The following CD93 variants were observed in gnomAD, a reference collection of about 807,000 sequenced individuals.
The protein encoded by CD93 is CD93 molecule, also known as complement component C1q receptor.
In CD93, 44 loss-of-function variants were observed where a neutral mutation model predicts 45.5. The ratio of observed to expected loss-of-function variants is 0.97; its 90% CI spans 0.76 to 1.24. The LOEUF is 1.24. CD93 is among the 50% of genes most tolerant of loss of function. The pLI is 0.00. For missense variants in CD93, 918 were observed against 844.5 expected (o/e 1.09, Z -1.08); for synonymous variants, 431 against 370.8 (o/e 1.16, Z -1.87).
chr20:23,081,443 A>G lies in CD93; in HGVS notation c.*2507T>C, dbSNP rs1276595554. 2 of 152,288 alleles carry G rather than the reference A, an allele frequency of 1.3e-5. No homozygotes were observed. The highest frequency in any genetic ancestry group is 1.5e-5 in the Non-Finnish European group (1 of 68,106). The allele number at this position is 152,288 out of a possible 1,614,324, so 9.4% of individuals were successfully genotyped here. On this transcript the variant is annotated 3_prime_UTR_variant, in exon 2 of 2. Coordinates refer to ENST00000246006, the MANE Select transcript of CD93 (RefSeq NM_012072.4). Reference sequence around the variant, plus strand: ...CCCAAACAAGAATTTCCATGCTTCAAAGTAACAGCAAAAATAAACAGGAGA... The same window carrying G: ...CCCAAACAAGAATTTCCATGCTTCAGAGTAACAGCAAAAATAAACAGGAGA...
In CD93 at chr20:23,085,102, C is replaced by G; in HGVS notation, c.1091G>C (p.Gly364Ala). ...CAQECVNTPGGFRCECWVGYE... is the reference protein window; with the variant it reads ...CAQECVNTPGAFRCECWVGYE... ...GCCAACCCAGCATTCGCAGCGGAAG[C>G]CCCCAGGGGTGTTGACACACTCCTG... Residue 364 changes from glycine to alanine, a missense_variant, in exon 1 of 2, where the codon GGC becomes GCC. By Grantham distance (60) the Gly-to-Ala change is moderately conservative. Transcript: ENST00000246006. 1.2e-6 allele frequency: 2 copies of G among 1,602,326 alleles called. No individual in the cohort carries two copies. Among genetic ancestry groups the G allele is most frequent in the South Asian group, 1.1e-5 (1 of 89,284 alleles).
rs140684866 is a variant in CD93 at position 23,080,296 on chromosome 20, T to C, written c.*3654A>G. The C allele has an allele frequency of 1.2e-3, 177 of 152,696 alleles. No individual in the cohort carries two copies. The highest frequency in any genetic ancestry group is 1.9e-3 in the Non-Finnish European group (127 of 68,028). The allele number at this position is 152,696 out of a possible 1,614,324, so 9.5% of individuals were successfully genotyped here. ...TCTGTTCTCCTAGTTTTCACAGAAA[T>C]ATTTACAGGAATAAAGGTTGAAACA... On this transcript the variant is annotated 3_prime_UTR_variant, in exon 2 of 2. Coordinates refer to ENST00000246006, the MANE Select transcript of CD93 (RefSeq NM_012072.4).
rs1464050711 is a variant in CD93 at position 23,085,209 on chromosome 20, G to A, written c.984C>T (p.Cys328=). The change falls in exon 1 of 2, where the codon TGC becomes TGT. Residue 328 remains cysteine, a synonymous_variant. Coordinates refer to ENST00000246006, the MANE Select transcript of CD93 (RefSeq NM_012072.4). The part of the protein sequence containing the change: ...VLGPHGKNYT[C]RCPQGYQLDS... The stretch of plus-strand genomic sequence containing the variant: ...CCAGCTGGTACCCTTGGGGGCAGCG[G>A]CACGTGTAGTTTTTCCCATGGGGTC... The A allele has an allele frequency of 9.4e-6, 15 of 1,599,838 alleles. No individual in the cohort carries two copies. In the South Asian group the frequency reaches 1.4e-4, roughly 14 times the overall value.
In CD93 at chr20:23,085,831, T is replaced by TGGGGCCCCCCCCC; in HGVS notation, c.361_362insGGGGGGGGGCCCC (p.Glu121GlyfsTer11). 2 of 1,491,266 alleles carry TGGGGCCCCCCCCC rather than the reference T, an allele frequency of 1.3e-6. No individual in the cohort carries two copies. The highest frequency in any genetic ancestry group is 1.8e-6 in the Non-Finnish European group (2 of 1,097,876). The allele number at this position is 1,491,266 out of a possible 1,614,324, so 92.4% of individuals were successfully genotyped here. ...GTGCCAGTTAGAGTAAGGCGTGTCC[T>TGGGGCCCCCCCCC]CCCCCCCGCCCACCCAGCTGAAGCC... On this transcript the variant is annotated frameshift_variant, in exon 1 of 2. Coordinates refer to ENST00000246006, the MANE Select transcript of CD93 (RefSeq NM_012072.4). LOFTEE classifies it high-confidence loss of function.
rs372548078 is a variant in CD93, at chr20:23,086,139, G to A, written c.54C>T (p.Pro18=). Residue 18 remains proline, a synonymous_variant, in exon 1 of 2, where the codon CCC becomes CCT. Transcript: ENST00000246006. The part of the protein sequence containing the change: ...LLLLLLLLTQ[P]GAGTGADTEA... ...CCGTGTCAGCTCCCGTCCCCGCCCC[G>A]GGCTGGGTCAGGAGCAGCAGCAGCA... 5 of 1,579,050 alleles carry A rather than the reference G, an allele frequency of 3.2e-6. No individual in the cohort carries two copies. The highest frequency in any genetic ancestry group is 1.8e-5 in the Admixed American group (1 of 56,906).
In CD93 at chr20:23,085,352, C is replaced by A; in HGVS notation, c.841G>T (p.Gly281Cys). Residue 281 changes from glycine to cysteine, a missense_variant, in exon 1 of 2, where the codon GGC becomes TGC. Coordinates refer to ENST00000246006, the MANE Select transcript of CD93 (RefSeq NM_012072.4). The stretch of plus-strand genomic sequence containing the variant: ...GGTCGGCAGCCGCAGAGGAAGGAGC[C>A]ATCCCCCCCTTCAAAGCAGTCCTGG... ...CHQDCFEGGD[G>C]SFLCGCRPGF... 6.2e-7 allele frequency: 1 copy of A among 1,614,030 alleles called. No homozygotes were observed. Among genetic ancestry groups the A allele is most frequent in the Non-Finnish European group, 8.5e-7 (1 of 1,180,016 alleles).
rs952485878 is a variant in CD93, at chr20:23,082,295, A to G, written c.*1655T>C. ...CACCTTGTGGCCCTTCAACCACTCC[A>G]GAGTGTCACCTCAGAGACCGATGCA... On this transcript the variant is annotated 3_prime_UTR_variant, in exon 2 of 2. Transcript: ENST00000246006. 2 of 152,228 alleles carry G rather than the reference A, an allele frequency of 1.3e-5. No individual in the cohort carries two copies. The highest frequency in any genetic ancestry group is 2.9e-5 in the Non-Finnish European group (2 of 68,060). 9.4% of individuals were successfully genotyped at this position (152,228 alleles called of 1,614,324 possible).
rs1568675300 is a variant in CD93, at chr20:23,080,390, G to T, written c.*3560C>A. ...GGATAAGACACTCAAACAAGGGCTT[G>T]TGATGAGGATGGAAAAGACAAAGCA... On this transcript the variant is annotated 3_prime_UTR_variant, in exon 2 of 2. Transcript: ENST00000246006. 6.6e-6 allele frequency: 1 copy of T among 152,548 alleles called. No individual in the cohort carries two copies. The allele number at this position is 152,548 out of a possible 1,614,324, so 9.4% of individuals were successfully genotyped here.
chr20:23,085,831 T>TGGCCCCCCCCCC lies in CD93; in HGVS notation c.361_362insGGGGGGGGGGCC (p.Glu121delinsGlyGlyGlyGlyGln). The TGGCCCCCCCCCC allele has an allele frequency of 2.0e-6, 3 of 1,491,282 alleles. No homozygotes were observed. Among genetic ancestry groups the TGGCCCCCCCCCC allele is most frequent in the Non-Finnish European group, 2.7e-6 (3 of 1,097,892 alleles). 92.4% of individuals were successfully genotyped at this position (1,491,282 alleles called of 1,614,324 possible). ...GTGCCAGTTAGAGTAAGGCGTGTCC[T>TGGCCCCCCCCCC]CCCCCCCGCCCACCCAGCTGAAGCC... On this transcript the variant is annotated protein_altering_variant, in exon 1 of 2. Transcript: ENST00000246006.
chr20:23,081,819 G>A lies in CD93; in HGVS notation c.*2131C>T, dbSNP rs1985330531. The stretch of plus-strand genomic sequence containing the variant: ...TACACAGACTGCGTTGGGGCTGTGG[G>A]AAGCCAAGGACAGAAATGTCTCCTT... On this transcript the variant is annotated 3_prime_UTR_variant, in exon 2 of 2. Transcript: ENST00000246006. The A allele has an allele frequency of 6.6e-6, 1 of 152,244 alleles. No homozygotes were observed. Among genetic ancestry groups the A allele is most frequent in the Non-Finnish European group, 1.5e-5 (1 of 68,048 alleles). The allele number at this position is 152,244 out of a possible 1,614,324, so 9.4% of individuals were successfully genotyped here.
Position 23,084,247 on chromosome 20 carries a change from G to GA in CD93, c.1934+11_1934+12insT. 1 of 1,611,880 alleles carries GA rather than the reference G, an allele frequency of 6.2e-7. No homozygotes were observed. The highest frequency in any genetic ancestry group is 8.5e-7 in the Non-Finnish European group (1 of 1,179,198). On this transcript the variant is annotated intron_variant, in intron 1 of 1. Transcript: ENST00000246006. ...CCCATCCCCTCCCCCGGTCACTCAG[G>GA]GCCCCCTTTACCTGTACTGGTTCTC...
rs1266113322 is a variant in CD93, at chr20:23,083,168, G to C, written c.*782C>G. 1 of 152,274 alleles carries C rather than the reference G, an allele frequency of 6.6e-6. No homozygotes were observed. Among genetic ancestry groups the C allele is most frequent in the African/African-American group, 2.4e-5 (1 of 41,468 alleles). The allele number at this position is 152,274 out of a possible 1,614,324, so 9.4% of individuals were successfully genotyped here. On this transcript the variant is annotated 3_prime_UTR_variant, in exon 2 of 2. Transcript: ENST00000246006. ...AGTACATTTGGATGAATTAATTCAA[G>C]TATCTGTGAACAAATCCCTGGCCTC...
rs771246465 is a variant in CD93 at position 23,080,408 on chromosome 20, A to G, written c.*3542T>C. 6.6e-6 allele frequency: 1 copy of G among 152,542 alleles called. No homozygotes were observed. The highest frequency in any genetic ancestry group is 2.1e-4 in the South Asian group (1 of 4,834). 9.4% of individuals were successfully genotyped at this position (152,542 alleles called of 1,614,324 possible). On this transcript the variant is annotated 3_prime_UTR_variant, in exon 2 of 2. Transcript: ENST00000246006. Reference sequence around the variant, plus strand: ...AGGGCTTGTGATGAGGATGGAAAAGACAAAGCAACTTGAAGAGAAAAAAAA... The same window carrying G: ...AGGGCTTGTGATGAGGATGGAAAAGGCAAAGCAACTTGAAGAGAAAAAAAA...
rs748556553 is a variant in CD93, at chr20:23,086,115, C to G, written c.78G>C (p.Thr26=). 116 of 1,590,120 alleles carry G rather than the reference C, an allele frequency of 7.3e-5. No homozygotes were observed. Among genetic ancestry groups the G allele is most frequent in the African/African-American group, 4.0e-5 (3 of 74,744 alleles). ...CGGTCCCCACGCAGACCACCGCCTC[C>G]GTGTCAGCTCCCGTCCCCGCCCCGG... ...TQPGAGTGAD[T]EAVVCVGTAC... The change falls in exon 1 of 2, where the codon ACG becomes ACC. Residue 26 remains threonine, a synonymous_variant. Coordinates refer to ENST00000246006, the MANE Select transcript of CD93 (RefSeq NM_012072.4).
chr20:23,085,627 C>G lies in CD93; in HGVS notation c.566G>C (p.Arg189Pro). 6.2e-7 allele frequency: 1 copy of G among 1,612,780 alleles called. No homozygotes were observed. Among genetic ancestry groups the G allele is most frequent in the Non-Finnish European group, 8.5e-7 (1 of 1,179,754 alleles). Residue 189 changes from arginine to proline, a missense_variant, in exon 1 of 2, where the codon CGG (arginine) becomes CCG (proline). By Grantham distance (103) the Arg-to-Pro change is moderately radical. Transcript: ENST00000246006. Reference sequence around the variant, plus strand: ...ACCTGGGCCCCCCAGGGCCAGAGGCCGGCACATGCCTTTGAAGCTGAACTT... The same window carrying G: ...ACCTGGGCCCCCCAGGGCCAGAGGCGGGCACATGCCTTTGAAGCTGAACTT... ...VCKFSFKGMC[R>P]PLALGGPGQV...
rs148107289 is a variant in CD93 at position 23,085,256 on chromosome 20, C to G, written c.937G>C (p.Gly313Arg). The G allele has an allele frequency of 1.6e-4, 260 of 1,613,126 alleles. 2 individuals are homozygous for G. In the East Asian group the frequency reaches 5.7e-3, roughly 36 times the overall value. Residue 313 changes from glycine (G) to arginine (R), a missense_variant, in exon 1 of 2, where the codon GGG (glycine) becomes CGG (arginine). Physicochemically the swap from Gly to Arg is moderately radical, Grantham distance 125 (BLOSUM62 -2). Coordinates refer to ENST00000246006, the MANE Select transcript of CD93 (RefSeq NM_012072.4). ...RNPCSSSPCR[G>R]GATCVLGPHG... is the part of the protein sequence containing the mutation. ...GGTCCCAGGACGCACGTGGCCCCCC[C>G]ACGACATGGGCTGGAGCTGCAAGGG...
chr20:23,082,949 G>A lies in CD93; in HGVS notation c.*1001C>T, dbSNP rs1300543089. The stretch of plus-strand genomic sequence containing the variant: ...CATCTCCCGTTCACACATCCTTTAG[G>A]AAACAGCCTGATGGAACTTTCTGCA... On this transcript the variant is annotated 3_prime_UTR_variant, in exon 2 of 2. Coordinates refer to ENST00000246006, the MANE Select transcript of CD93 (RefSeq NM_012072.4). 6.6e-6 allele frequency: 1 copy of A among 152,592 alleles called. No homozygotes were observed. Among genetic ancestry groups the A allele is most frequent in the Admixed American group, 6.5e-5 (1 of 15,284 alleles). 9.5% of individuals were successfully genotyped at this position (152,592 alleles called of 1,614,324 possible).
Position 23,085,448 on chromosome 20 carries a change from C to T in CD93, c.745G>A (p.Asp249Asn), listed in dbSNP as rs1050339456. 11 of 1,613,754 alleles carry T rather than the reference C, an allele frequency of 6.8e-6. No individual in the cohort carries two copies. Among genetic ancestry groups the T allele is most frequent in the East Asian group, 4.5e-5 (2 of 44,870 alleles). Residue 249 changes from aspartate to asparagine, a missense_variant, in exon 1 of 2, where the codon GAC becomes AAC. Physicochemically the swap from Asp to Asn is conservative, Grantham distance 23. Transcript: ENST00000246006. Reference sequence around the variant, plus strand: ...CAGAGGGGGCCCGAGCTGCCCCAGTCGAACACATCGGGGGCCTTCTCCTTG... The same window carrying T: ...CAGAGGGGGCCCGAGCTGCCCCAGTTGAACACATCGGGGGCCTTCTCCTTG... ...LCKEKAPDVF[D>N]WGSSGPLCVS... is the part of the protein sequence containing the mutation.
At position 23,084,478 on chromosome 20, in the gene CD93, T is replaced by C. The variant is rs1264064122; in HGVS notation, c.1715A>G (p.Asn572Ser). ...CTTTTGCCCGTCAGTGCCATCGTTG[T>C]TTTGTGTGGCCACGGAGGAGTCCCC... ...AGGDSSVATQ[N>S]NDGTDGQKLL... is the part of the protein sequence containing the mutation. Residue 572 changes from asparagine to serine, a missense_variant, in exon 1 of 2, where the codon AAC becomes AGC. Transcript: ENST00000246006. 1.2e-6 allele frequency: 2 copies of C among 1,614,044 alleles called. No individual in the cohort carries two copies. The highest frequency in any genetic ancestry group is 2.7e-5 in the African/African-American group (2 of 74,932).
Sources: allele counts gnomAD v4.1 joint callset, GRCh38; gene constraint gnomAD v4.1.1; transcripts MANE v1.5; gene names NCBI Gene and HGNC (gene_info 2026-07-23, HGNC 2026-07-21).